The following ADAM29 variants were observed in gnomAD, a reference collection of about 807,000 sequenced individuals.
The protein encoded by ADAM29 is ADAM metallopeptidase domain 29, also known as disintegrin and metalloproteinase domain-containing protein 29.
For missense variants in ADAM29, 969 were observed against 1,001.8 expected, an observed-to-expected ratio of 0.97 and a Z score of 0.44; for synonymous variants, 367 against 342.3, an observed-to-expected ratio of 1.07 and a Z score of -0.80.
At chr4:174,937,903 C>A (rs1456708421) in intron 4 of ADAM29, among the ~76,000 whole-genome samples, 2 of 151,954 alleles carry the variant, frequency 1.3e-5, no homozygotes, top group Non-Finnish European at 2.9e-5. Context: ...GTGAAAGAAG[C>A]AAGTGATACA....
At chr4:174,974,521 C>T (rs997185109) in intron 4 of ADAM29, among the ~76,000 whole-genome samples, 21 of 152,092 alleles carry the variant, frequency 1.4e-4, no homozygotes, top group African/African-American at 4.1e-4. Flanking sequence ...GTATTTAGAA[C>T]GAAGGATAAG....
At chr4:174,945,232 C>A (rs1434360835) in intron 4 of ADAM29, among the ~76,000 whole-genome samples, 1 of 151,984 alleles carries the variant, frequency 6.6e-6, no homozygotes, top group Non-Finnish European at 1.5e-5. Flanking sequence ...TTTTGATTTG[C>A]ATTTATCTAA....
At chr4:174,965,601 A>G (rs1746114316) in intron 4 of ADAM29, among the ~76,000 whole-genome samples, 2 of 152,072 alleles carry the variant, frequency 1.3e-5, no homozygotes, top group Non-Finnish European at 2.9e-5. Context: ...AAATTGGCTC[A>G]TGTGATTATG....
chr4:174,969,608 G>A (rs533683776), intron 4 of ADAM29, among the ~76,000 whole-genome samples: 1 of 151,956 alleles, frequency 6.6e-6, no homozygotes, highest in Admixed American at 6.5e-5. Flanking sequence ...AATATTTATA[G>A]TAATGTACAT....
intron 3 of ADAM29, among the ~76,000 whole-genome samples, chr4:174,934,002 T>G (rs11133063): frequency 0.4 from 60,800 of 152,050 alleles, 13,761 homozygotes; most frequent in East Asian, 0.67. Flanking sequence ...GTAATATGAT[T>G]GCTAGGTTGA....
At chr4:174,926,977 C>T (rs185832111) in intron 2 of ADAM29, among the ~76,000 whole-genome samples, 7 of 151,704 alleles carry the variant, frequency 4.6e-5, no homozygotes, top group South Asian at 2.1e-4. Flanking sequence ...GACATTCCAC[C>T]GAAGAATATA....
At chr4:174,949,037 T>C (rs1745012839) in intron 4 of ADAM29, among the ~76,000 whole-genome samples, 1 of 152,144 alleles carries the variant, frequency 6.6e-6, no homozygotes, top group Non-Finnish European at 1.5e-5. Context: ...AGGATTAGTC[T>C]GCTGGAGCTT....
chr4:174,946,270 G>A (rs764450051), intron 4 of ADAM29, among the ~76,000 whole-genome samples: 2 of 152,048 alleles, frequency 1.3e-5, no homozygotes, highest in Non-Finnish European at 2.9e-5. Context: ...TTATGAATGG[G>A]ATTATGTTCT....
intron 2 of ADAM29, among the ~76,000 whole-genome samples, chr4:174,924,255 C>A (rs1223742286): frequency 6.6e-6 from 1 of 152,114 alleles, no homozygotes; most frequent in African/African-American, 2.4e-5. Flanking sequence ...AAACATTTGT[C>A]TTTAGGAAAT....
rs191719369 is a variant in ADAM29, at chr4:174,945,610, G to A, written c.-181+8597G>A. 1.4e-3 allele frequency among the ~76,000 whole-genome samples: 216 copies of A among 152,180 alleles called. 1 individual carries two copies. The highest frequency in any genetic ancestry group is 4.8e-3 in the African/African-American group (199 of 41,522). ...TGTGTTTTCTAGGTTATCTTCCAGG[G>A]TTTTTACAGTTTTAGGTTTTACATT... is the stretch of plus-strand genomic sequence containing the variant. On this transcript the variant is annotated intron_variant, in intron 4 of 4. Transcript: ENST00000359240.
chr4:174,968,282 A>G (rs1746265469), intron 4 of ADAM29, among the ~76,000 whole-genome samples: 1 of 152,146 alleles, frequency 6.6e-6, no homozygotes, highest in South Asian at 2.1e-4. Flanking sequence ...AGGAGGACTT[A>G]AGCAAGTGCA....
At chr4:174,931,655 AACATAACCAAGATCACACATATATTCAAT>A (rs1480902607) in intron 3 of ADAM29, among the ~76,000 whole-genome samples, 1 of 152,168 alleles carries the variant, frequency 6.6e-6, no homozygotes, top group Admixed American at 6.5e-5. Flanking sequence ...CCACCAACCA[AACATAACCAAGATCACACATATATTCAAT>A]CTTACACTGA....
chr4:174,945,215 A>G (rs765887090), intron 4 of ADAM29, among the ~76,000 whole-genome samples: 1 of 152,116 alleles, frequency 6.6e-6, no homozygotes, highest in Non-Finnish European at 1.5e-5. Flanking sequence ...ATAGTATCTC[A>G]TTGTGGTTTT....
chr4:174,950,240 A>G (rs1242417685), intron 4 of ADAM29, among the ~76,000 whole-genome samples: 1 of 152,132 alleles, frequency 6.6e-6, no homozygotes, highest in African/African-American at 2.4e-5. Flanking sequence ...TCTCAATCCC[A>G]TTCTTTATAG....
chr4:174,946,069 C>A (rs533910742), intron 4 of ADAM29, among the ~76,000 whole-genome samples: 11 of 152,142 alleles, frequency 7.2e-5, no homozygotes, highest in African/African-American at 2.6e-4. Context: ...TGAATCTGAA[C>A]ATTGCTTTGG....
intron 2 of ADAM29, among the ~76,000 whole-genome samples, chr4:174,926,941 T>C (rs1055757285): frequency 6.6e-6 from 1 of 151,972 alleles, no homozygotes; most frequent in Non-Finnish European, 1.5e-5. Flanking sequence ...CAAAAAACAA[T>C]ACAAACTAGG....
At chr4:174,970,781 T>G (rs903673494) in intron 4 of ADAM29, among the ~76,000 whole-genome samples, 1 of 152,186 alleles carries the variant, frequency 6.6e-6, no homozygotes, top group Non-Finnish European at 1.5e-5. Context: ...ATCCCTTTCA[T>G]AGTGTTATCT....
At chr4:174,960,865 G>A (rs930419047) in intron 4 of ADAM29, among the ~76,000 whole-genome samples, 3 of 152,118 alleles carry the variant, frequency 2.0e-5, no homozygotes, top group African/African-American at 7.2e-5. Flanking sequence ...AAATAGACCA[G>A]TTTTCCCTGA....
rs1171433939 is a variant in ADAM29, at chr4:174,918,538, A to T, written c.-557+67A>T. The stretch of plus-strand genomic sequence containing the variant: ...CAAATTGAAGGTCAAAGAAGTAGTC[A>T]TACTTCTGGGCATAGATTAAACTGA... On this transcript the variant is annotated intron_variant, in intron 1 of 4. Transcript: ENST00000359240. The T allele has an allele frequency of 2.0e-5, 3 of 152,172 alleles. No homozygotes were observed. In the East Asian group the frequency reaches 5.8e-4, roughly 29 times the overall value. The allele number at this position is 152,172 out of a possible 1,614,324, so 9.4% of individuals were successfully genotyped here. A position where few individuals can be genotyped will look rare whatever the true frequency, so the allele number is the denominator to read the frequency against.
Sources: allele counts gnomAD v4.1 joint callset (sites outside exome capture counted in the v4.1 genomes callset), GRCh38; gene constraint gnomAD v4.1.1; transcripts MANE v1.5; gene names NCBI Gene and HGNC (gene_info 2026-07-23, HGNC 2026-07-21).